Variants in PPEF1 observed in about 807,000 individuals in gnomAD.
PPEF1 encodes serine/threonine-protein phosphatase with EF-hands 1.
PPEF1 carries 12 observed loss-of-function variants against 53.3 expected under a neutral mutation model. The ratio of observed to expected loss-of-function variants is 0.23; its 90% CI spans 0.14 to 0.36. The LOEUF (loss-of-function observed/expected upper bound fraction) is 0.36, where lower values mean the gene tolerates loss of function less well. Ranked by LOEUF, PPEF1 falls within the 10% of genes least tolerant of loss-of-function variation. The pLI is 1.00. For synonymous variants in PPEF1, 165 were observed against 176.7 expected (o/e 0.93, Z 0.52); for missense variants, 334 against 490.4 (o/e 0.68, Z 3.01).
intron 13 of PPEF1, 135 bp from the exon 14 acceptor site, chrX:18,823,788 G>C: frequency 3.1e-6 from 2 of 635,177 alleles, no homozygotes; most frequent in East Asian, 3.4e-5. Flanking sequence ...TTCTCCTTCA[G>C]GGCTGCAGGG....
intron 4 of PPEF1, among the ~76,000 whole-genome samples, chrX:18,751,915 T>A (rs1173026135): frequency 1.8e-5 from 2 of 112,722 alleles, no homozygotes; most frequent in Non-Finnish European, 3.7e-5. Flanking sequence ...TAGTAAGTTT[T>A]GAAATAGGGA....
intron 13 of PPEF1, among the ~76,000 whole-genome samples, chrX:18,819,205 G>A (rs770331362): frequency 2.2e-4 from 25 of 111,473 alleles, no homozygotes; most frequent in African/African-American, 8.1e-4. Context: ...ATTTCCCCGA[G>A]GACATCAAAT....
intron 5 of PPEF1, among the ~76,000 whole-genome samples, chrX:18,759,500 T>G (rs941451741): frequency 1.8e-5 from 2 of 111,917 alleles, no homozygotes; most frequent in Non-Finnish European, 3.8e-5. Context: ...AGTTATATTA[T>G]AAATGATAAC....
chrX:18,824,154 G>C lies in PPEF1; in HGVS notation c.1665+68G>C, dbSNP rs886182701. The C allele has an allele frequency of 4.8e-6, 5 of 1,037,274 alleles. No individual in the cohort carries two copies. The African/African-American group carries it at 9.5e-5, about 20-fold the overall frequency. The allele number at this position is 1,037,274 out of a possible 1,213,427, so 85.5% of individuals were successfully genotyped here. A position where few individuals can be genotyped will look rare whatever the true frequency, so the allele number is the denominator to read the frequency against. On this transcript the variant is annotated intron_variant, in intron 14 of 15. Transcript: ENST00000470157. ...ACATAACTTAGTCCTTTGAAAAGCT[G>C]GGAGTGGCCGGGCACAGTGGCTCAC...
Position 18,708,648 on chromosome X carries a change from G to A in PPEF1, c.46+822G>A, listed in dbSNP as rs757251932. 4.5e-5 allele frequency among the ~76,000 whole-genome samples: 5 copies of A among 111,986 alleles called. No homozygotes were observed. The South Asian group carries it at 1.9e-3, about 42-fold the overall frequency. On this transcript the variant is annotated intron_variant, in intron 1 of 15. Coordinates refer to ENST00000470157, the MANE Select transcript of PPEF1 (RefSeq NM_001377996.1). ...GAAGTTTATTCAGGCTTAAGGTGGA[G>A]GGTTTAGGATGCAGAGTGTGCTATA...
At chrX:18,684,886 C>A (rs1228114362) in intron 2 of PPEF1, among the ~76,000 whole-genome samples, 3 of 111,942 alleles carry the variant, frequency 2.7e-5, no homozygotes, top group African/African-American at 9.7e-5. Context: ...CTTGGCCTCC[C>A]AAAGTGCTGG....
chrX:18,809,089 TTATATCTATC>T (rs1429889525), intron 12 of PPEF1, among the ~76,000 whole-genome samples: 2 of 78,772 alleles, frequency 2.5e-5, no homozygotes, highest in African/African-American at 5.5e-5. Flanking sequence ...ATATATCACA[TTATATCTATC>T]TATCTATCTA....
exon 4 of PPEF1, chrX:18,691,028 C>T (rs767964143): frequency 9.0e-6 from 1 of 111,722 alleles, no homozygotes; most frequent in South Asian, 3.8e-4. Flanking sequence ...CAACAACCAG[C>T]AAAGTGAAGA....
intron 9 of PPEF1, 97 bp downstream of exon 9, chrX:18,784,145 T>C: frequency 1.3e-6 from 1 of 796,722 alleles, no homozygotes; most frequent in Non-Finnish European, 1.7e-6. Flanking sequence ...GTTTTAGTGG[T>C]TGTAACTCTA....
At chrX:18,721,764 G>A (rs1045420241) in intron 1 of PPEF1, among the ~76,000 whole-genome samples, 4 of 111,967 alleles carry the variant, frequency 3.6e-5, no homozygotes, top group Non-Finnish European at 7.5e-5. Context: ...TTGTAGAAAT[G>A]ACCTGTTATT....
intron 11 of PPEF1, among the ~76,000 whole-genome samples, chrX:18,806,055 A>G (rs1469631905): frequency 1.8e-5 from 2 of 110,580 alleles, no homozygotes; most frequent in Non-Finnish European, 3.8e-5. Context: ...ATGCTCAACT[A>G]TTACAAGGCA....
intron 10 of PPEF1, among the ~76,000 whole-genome samples, chrX:18,794,349 C>A (rs1257837825): frequency 8.8e-6 from 1 of 113,064 alleles, no homozygotes; most frequent in African/African-American, 3.2e-5. Context: ...TGCCTTTAGG[C>A]ATGAACTTCC....
intron 4 of PPEF1, among the ~76,000 whole-genome samples, chrX:18,757,146 C>T (rs1467415857): frequency 9.0e-6 from 1 of 111,509 alleles, no homozygotes; most frequent in African/African-American, 3.3e-5. Context: ...CTCAGTAGCT[C>T]CATGTGGCTA....
intron 3 of PPEF1, among the ~76,000 whole-genome samples, chrX:18,738,648 A>G (rs759434224): frequency 9.0e-6 from 1 of 111,094 alleles, no homozygotes; most frequent in South Asian, 3.8e-4. Flanking sequence ...CATTCTCTGT[A>G]TTTCCTGAAT....
chrX:18,685,700 AAAAG>A lies in PPEF1; in HGVS notation c.-519-434_-519-431del, dbSNP rs1464091632. Reference sequence around the variant, plus strand: ...ACTCCATCTCAAAAAAAAAAAAAAAAAAAGAAAAAAAAGCAGTGGGTTCTATTTT... The same window carrying A: ...ACTCCATCTCAAAAAAAAAAAAAAAAAAAAAAAAGCAGTGGGTTCTATTTT... On this transcript the variant is annotated intron_variant, in intron 2 of 21. Transcript: ENST00000361511. 3.2e-4 allele frequency among the ~76,000 whole-genome samples: 35 copies of A among 108,509 alleles called. 1 individual carries two copies. Among genetic ancestry groups the A allele is most frequent in the African/African-American group, 1.1e-3 (32 of 29,372 alleles). 94.2% of individuals were successfully genotyped at this position (108,509 alleles called of 115,157 possible).
At chrX:18,819,528 C>CAA (rs199539409) in intron 13 of PPEF1, among the ~76,000 whole-genome samples, 14 of 105,995 alleles carry the variant, frequency 1.3e-4, no homozygotes, top group African/African-American at 4.8e-4. Flanking sequence ...ACTAAAAATA[C>CAA]AAAAAAAAAC....
upstream of PPEF1, among the ~76,000 whole-genome samples, chrX:18,680,553 C>T (rs888543584): frequency 3.7e-5 from 4 of 106,956 alleles, no homozygotes; most frequent in African/African-American, 6.8e-5. Flanking sequence ...CTCAGCATCC[C>T]GAGTAGCTGG....
rs779389414 is a variant in PPEF1 at position 18,733,793 on chromosome X, C to T, written c.220C>T (p.His74Tyr). ...SFMLENYTHIHKEELELRNQS... is the reference protein window; with the variant it reads ...SFMLENYTHIYKEELELRNQS... ...CATGTTGGAAAACTACACACATATA[C>T]ATAAGGAAGAGCTAGGTAAGTAAAA... The change falls in exon 3 of 16, where the codon CAT becomes TAT. Residue 74 changes from histidine (H) to tyrosine (Y), a missense_variant. Coordinates refer to ENST00000470157, the MANE Select transcript of PPEF1 (RefSeq NM_001377996.1). 1.9e-5 allele frequency: 23 copies of T among 1,182,824 alleles called. No homozygotes were observed. The South Asian group carries it at 3.2e-4, about 17-fold the overall frequency.
intron 12 of PPEF1, among the ~76,000 whole-genome samples, chrX:18,810,333 GCA>G (rs372609345): frequency 2.0e-4 from 20 of 102,021 alleles, no homozygotes; most frequent in East Asian, 9.1e-4. Context: ...CTCTCTCTGC[GCA>G]CACACACACA....
Sources: gnomAD v4.1 joint callset for allele counts (sites outside exome capture counted in the v4.1 genomes callset) on GRCh38, gnomAD v4.1.1 for gene constraint, MANE v1.5 for transcripts, NCBI Gene and HGNC (gene_info 2026-07-23, HGNC 2026-07-21) for gene names.